OR1B1: variants seen among roughly 807,000 people sequenced by gnomAD.
The protein encoded by OR1B1 is olfactory receptor 1B1.
For missense variants in OR1B1, 414 were observed against 402.1 expected, an observed-to-expected ratio of 1.03 and a Z score of -0.25; for synonymous variants, 168 against 156.2, an observed-to-expected ratio of 1.08 and a Z score of -0.57.
At chr9:122,638,397 T>C in the OR1B1 span, among the ~76,000 whole-genome samples, 1 of 152,162 alleles carries the variant, frequency 6.6e-6, no homozygotes, top group South Asian at 2.1e-4. Context: ...CCTATTAAAA[T>C]ATAAACAATA....
At chr9:122,643,887 A>C in the OR1B1 span, among the ~76,000 whole-genome samples, 1 of 152,172 alleles carries the variant, frequency 6.6e-6, no homozygotes, top group African/African-American at 2.4e-5. Flanking sequence ...CTTGATGGAA[A>C]GAACCTAGTC....
At chr9:122,630,483 C>G (rs1830193017), upstream of OR1B1, among the ~76,000 whole-genome samples, 1 of 152,190 alleles carries the variant, frequency 6.6e-6, no homozygotes, top group African/African-American at 2.4e-5. Context: ...CTAACCAATA[C>G]TAATTTCTAC....
At chr9:122,646,808 TCTC>T in the OR1B1 span, among the ~76,000 whole-genome samples, 1 of 152,032 alleles carries the variant, frequency 6.6e-6, no homozygotes, top group Non-Finnish European at 1.5e-5. Context: ...TGTGTAAACT[TCTC>T]CTAAGTAGAA....
chr9:122,628,539 G>A (rs951098238), downstream of OR1B1: 1 of 1,349,646 alleles, frequency 7.4e-7, no homozygotes, highest in African/African-American at 1.4e-5. Flanking sequence ...ATATGCCCAT[G>A]ACTTTTCTCA....
chr9:122,654,398 C>T, the OR1B1 span, among the ~76,000 whole-genome samples: 4 of 152,188 alleles, frequency 2.6e-5, no homozygotes, highest in African/African-American at 7.2e-5. Flanking sequence ...CTGTTTCCTT[C>T]GTGGGAACTC....
chr9:122,637,730 A>G, the OR1B1 span, among the ~76,000 whole-genome samples: 1 of 152,174 alleles, frequency 6.6e-6, no homozygotes, highest in Non-Finnish European at 1.5e-5. Flanking sequence ...TTTCTAATTT[A>G]ATAGCATTCT....
the OR1B1 span, among the ~76,000 whole-genome samples, chr9:122,653,035 C>T: frequency 6.6e-6 from 1 of 152,142 alleles, no homozygotes; most frequent in South Asian, 2.1e-4. Flanking sequence ...AGGACTAAGG[C>T]CAGCTAGACT....
At chr9:122,645,391 C>T in the OR1B1 span, among the ~76,000 whole-genome samples, 1 of 152,038 alleles carries the variant, frequency 6.6e-6, no homozygotes, top group African/African-American at 2.4e-5. Flanking sequence ...TAACAGAGAA[C>T]TTCACAAACC....
upstream of OR1B1, among the ~76,000 whole-genome samples, chr9:122,633,757 T>G (rs192201931): frequency 2.0e-3 from 298 of 151,346 alleles, 1 homozygote; most frequent in Non-Finnish European, 3.5e-3. Flanking sequence ...TGGAAAAACC[T>G]CGTCTCTACT....
upstream of OR1B1, among the ~76,000 whole-genome samples, chr9:122,634,458 G>A (rs988381206): frequency 1.3e-5 from 2 of 152,180 alleles, no homozygotes; most frequent in African/African-American, 4.8e-5. Context: ...CAGCTGGGGA[G>A]CCCTCAGGAA....
chr9:122,642,613 G>A, the OR1B1 span, among the ~76,000 whole-genome samples: 2 of 152,130 alleles, frequency 1.3e-5, no homozygotes, highest in Admixed American at 6.6e-5. Flanking sequence ...TAAGTACCAC[G>A]AGTCTCTGCC....
rs753318896 is a variant in OR1B1, at chr9:122,628,758, T to C, written c.778A>G (p.Thr260Ala). The change falls in exon 1 of 1, where the codon ACC (threonine) becomes GCC (alanine). Residue 260 changes from threonine (T) to alanine (A), a missense_variant. Physicochemically the swap from Thr to Ala is moderately conservative, Grantham distance 58 (BLOSUM62 0). Transcript: ENST00000623530. ...GGCTGGAAGTAGACACAAATGATGG[T>C]GCCGTAGAGGAAACCAACCATGGTG... 7 of 1,614,128 alleles carry C rather than the reference T, an allele frequency of 4.3e-6. No individual in the cohort carries two copies. In the South Asian group the frequency reaches 7.7e-5, roughly 18 times the overall value.
the OR1B1 span, among the ~76,000 whole-genome samples, chr9:122,655,652 C>T: frequency 7.8e-4 from 101 of 130,180 alleles, 2 homozygotes; most frequent in East Asian, 0.022. Context: ...AACACATGGA[C>T]ACAGGGAGGG....
At chr9:122,657,326 T>C in the OR1B1 span, among the ~76,000 whole-genome samples, 2 of 148,252 alleles carry the variant, frequency 1.3e-5, no homozygotes, top group Non-Finnish European at 2.9e-5. Context: ...ATTTTTTACA[T>C]AGAGTCAAAC....
chr9:122,636,058 A>G, the OR1B1 span, among the ~76,000 whole-genome samples: 1 of 152,212 alleles, frequency 6.6e-6, no homozygotes, highest in African/African-American at 2.4e-5. Flanking sequence ...ATGTCCTCCC[A>G]TCCTGTTAGG....
chr9:122,649,477 G>A, the OR1B1 span, among the ~76,000 whole-genome samples: 1 of 152,136 alleles, frequency 6.6e-6, no homozygotes, highest in Non-Finnish European at 1.5e-5. Flanking sequence ...CCTACAGAAT[G>A]GGAGAAAAAT....
At chr9:122,634,721 C>G in the OR1B1 span, among the ~76,000 whole-genome samples, 1 of 152,054 alleles carries the variant, frequency 6.6e-6, no homozygotes, top group Non-Finnish European at 1.5e-5. Context: ...ATACCAGAAC[C>G]TGAATAAATA....
the OR1B1 span, among the ~76,000 whole-genome samples, chr9:122,650,470 T>C: frequency 2.6e-5 from 4 of 151,860 alleles, no homozygotes. Context: ...TAAGGTATTT[T>C]AATTCTAGCA....
Position 122,629,355 on chromosome 9 carries a change from T to C in OR1B1, c.181A>G (p.Met61Val), listed in dbSNP as rs151202760. The C allele has an allele frequency of 3.5e-4, 564 of 1,613,788 alleles. 3 individuals carry two copies. Among genetic ancestry groups the C allele is most frequent in the Middle Eastern group, 6.6e-4 (4 of 6,084 alleles). ...GAGAGGCCACGAAGCAGATAATACATGGGTGAGTGCAGTCTGGAGTCCCAG... is the reference window on the plus strand; with the variant it reads ...GAGAGGCCACGAAGCAGATAATACACGGGTGAGTGCAGTCTGGAGTCCCAG... The change falls in exon 1 of 1, where the codon ATG (methionine) becomes GTG (valine). Residue 61 changes from methionine (M) to valine (V), a missense_variant. Met to Val is a conservative substitution (Grantham distance 21). Transcript: ENST00000623530.
Sources: allele counts gnomAD v4.1 joint callset (sites outside exome capture counted in the v4.1 genomes callset), GRCh38; gene constraint gnomAD v4.1.1; transcripts MANE v1.5; gene names NCBI Gene and HGNC (gene_info 2026-07-23, HGNC 2026-07-21).